Variants in RAVER2 observed in about 807,000 individuals in gnomAD.
RAVER2 encodes ribonucleoprotein, PTB binding 2, also known as ribonucleoprotein PTB-binding 2.
A neutral mutation model predicts 78.1 loss-of-function variants in RAVER2; 46 were observed. That is an observed-to-expected ratio of 0.59 (90% CI 0.46 to 0.75). The LOEUF is 0.75. Among genes scored for constraint, RAVER2 ranks in the 30% least tolerant of loss-of-function variants. RAVER2 has a pLI of 0.00. For synonymous variants in RAVER2, 311 were observed against 313.3 expected, an observed-to-expected ratio of 0.99 and a Z score of 0.08; for missense variants, 793 against 837.5, an observed-to-expected ratio of 0.95 and a Z score of 0.66.
At chr1:64,772,029 C>A (rs1652334233) in intron 2 of RAVER2, among the ~76,000 whole-genome samples, 1 of 151,994 alleles carries the variant, frequency 6.6e-6, no homozygotes, top group South Asian at 2.1e-4. Context: ...AAATAGTAGA[C>A]CATGCAATGA....
chr1:64,782,244 C>T (rs1430765779), intron 4 of RAVER2, among the ~76,000 whole-genome samples: 1 of 152,294 alleles, frequency 6.6e-6, no homozygotes, highest in South Asian at 2.1e-4. Flanking sequence ...GAGGAAAATA[C>T]GTGCCTTTTT....
chr1:64,813,146 A>G (rs1653666695), intron 10 of RAVER2, among the ~76,000 whole-genome samples: 1 of 152,224 alleles, frequency 6.6e-6, no homozygotes, highest in South Asian at 2.1e-4. Context: ...TGAGCTACCA[A>G]TAATTGGTGG....
At chr1:64,768,378 C>T (rs904272991) in intron 1 of RAVER2, among the ~76,000 whole-genome samples, 3 of 151,866 alleles carry the variant, frequency 2.0e-5, no homozygotes, top group East Asian at 1.9e-4. Context: ...CCTCCTGCTA[C>T]GTCAAGGAAT....
At chr1:64,787,465 C>A (rs1304969595) in intron 4 of RAVER2, among the ~76,000 whole-genome samples, 2 of 152,122 alleles carry the variant, frequency 1.3e-5, no homozygotes, top group African/African-American at 4.8e-5. Flanking sequence ...CCTTTTCCCA[C>A]CCCAGCCAGG....
chr1:64,761,616 T>G (rs1401255427), intron 1 of RAVER2, among the ~76,000 whole-genome samples: 1 of 152,142 alleles, frequency 6.6e-6, no homozygotes, highest in Non-Finnish European at 1.5e-5. Context: ...TATTCAATGG[T>G]GAAATGTTGA....
intron 5 of RAVER2, among the ~76,000 whole-genome samples, chr1:64,801,472 C>T (rs1392084839): frequency 6.6e-6 from 1 of 150,900 alleles, no homozygotes; most frequent in Non-Finnish European, 1.5e-5. Flanking sequence ...TTTTCTATCT[C>T]ATGGTCCTCT....
intron 11 of RAVER2, among the ~76,000 whole-genome samples, chr1:64,816,679 A>T (rs1653763892): frequency 6.6e-6 from 1 of 152,198 alleles, no homozygotes. Flanking sequence ...ACCCTGTGAG[A>T]TTTAGTAAAC....
chr1:64,784,156 G>A (rs760165408), intron 4 of RAVER2, among the ~76,000 whole-genome samples: 1 of 152,172 alleles, frequency 6.6e-6, no homozygotes, highest in Non-Finnish European at 1.5e-5. Context: ...GGCCAAGGTG[G>A]GAGGATTGTT....
intron 9 of RAVER2, among the ~76,000 whole-genome samples, 192 bp downstream of exon 9, chr1:64,807,666 AT>A (rs1653483236): frequency 1.3e-5 from 2 of 152,142 alleles, no homozygotes; most frequent in African/African-American, 4.8e-5. Flanking sequence ...CAAAAAATCC[AT>A]TTTTTGATAA....
intron 8 of RAVER2, among the ~76,000 whole-genome samples, chr1:64,805,833 C>T (rs1056547510): frequency 6.6e-6 from 1 of 152,122 alleles, no homozygotes; most frequent in Non-Finnish European, 1.5e-5. Flanking sequence ...ATTGACTGGA[C>T]AAAAGTTAAG....
chr1:64,773,183 G>T (rs1652367267), intron 2 of RAVER2, among the ~76,000 whole-genome samples: 1 of 151,934 alleles, frequency 6.6e-6, no homozygotes, highest in African/African-American at 2.4e-5. Context: ...AAGATGAGAA[G>T]TATTAGGATT....
intron 5 of RAVER2, among the ~76,000 whole-genome samples, chr1:64,800,606 T>A (rs1359828840): frequency 6.6e-6 from 1 of 152,212 alleles, no homozygotes; most frequent in African/African-American, 2.4e-5. Context: ...TTTAATTCCC[T>A]ATCACTTGCA....
intron 1 of RAVER2, among the ~76,000 whole-genome samples, chr1:64,756,966 T>G (rs1249267989): frequency 6.6e-6 from 1 of 152,236 alleles, no homozygotes; most frequent in Non-Finnish European, 1.5e-5. Flanking sequence ...TGACATCATA[T>G]CAGGGGGTAC....
chr1:64,830,289 T>A (rs1009620990), intron 11 of RAVER2, among the ~76,000 whole-genome samples: 3 of 152,220 alleles, frequency 2.0e-5, no homozygotes, highest in Non-Finnish European at 4.4e-5. Flanking sequence ...TGCATTTTAA[T>A]ATGCTCGCCA....
At chr1:64,771,517 ACTTTTTT>A in intron 2 of RAVER2, among the ~76,000 whole-genome samples, 1 of 152,052 alleles carries the variant, frequency 6.6e-6, no homozygotes, top group East Asian at 1.9e-4. Flanking sequence ...GTGGGTAAAG[ACTTTTTT>A]CTTAATATTG....
chr1:64,797,238 G>A (rs1315062880), intron 5 of RAVER2, among the ~76,000 whole-genome samples: 2 of 152,168 alleles, frequency 1.3e-5, no homozygotes, highest in Non-Finnish European at 2.9e-5. Context: ...GGTTGATAGT[G>A]TTCATGTCTC....
At chr1:64,763,988 A>G (rs1652104799) in intron 1 of RAVER2, among the ~76,000 whole-genome samples, 1 of 151,364 alleles carries the variant, frequency 6.6e-6, no homozygotes, top group Admixed American at 6.6e-5. Context: ...TCTACTCCTT[A>G]GTATATTCTA....
intron 5 of RAVER2, among the ~76,000 whole-genome samples, chr1:64,801,350 T>C (rs1001621074): frequency 6.6e-6 from 1 of 151,390 alleles, no homozygotes; most frequent in African/African-American, 2.4e-5. Context: ...CCGCCCACCT[T>C]GGCCTTCCAA....
chr1:64,803,003 C>T (rs1653310557), exon 6 of RAVER2: 1 of 1,609,884 alleles, frequency 6.2e-7, no homozygotes, highest in Non-Finnish European at 8.5e-7. Context: ...CACAGCTTGC[C>T]ACATCTGATG....
Sources: allele counts gnomAD v4.1 joint callset (sites outside exome capture counted in the v4.1 genomes callset), GRCh38; gene constraint gnomAD v4.1.1; transcripts MANE v1.5; gene names NCBI Gene and HGNC (gene_info 2026-07-23, HGNC 2026-07-21).